ADGRL3: variants seen among roughly 807,000 people sequenced by gnomAD.
ADGRL3 encodes calcium-independent alpha-latrotoxin receptor 3.
ADGRL3 carries 62 observed loss-of-function variants against 153.5 expected under a neutral mutation model. The observed-to-expected ratio is 0.40, with a 90% CI of 0.33 to 0.50. ADGRL3 has a LOEUF of 0.50. ADGRL3 is among the 20% of genes least tolerant of loss of function. The pLI, the probability that ADGRL3 is intolerant of heterozygous loss-of-function variation, is 0.47. For synonymous variants in ADGRL3, 710 were observed against 672.5 expected, an observed-to-expected ratio of 1.06 and a Z score of -0.86; for missense variants, 1,641 against 1,859.4, an observed-to-expected ratio of 0.88 and a Z score of 2.16.
intron 6 of ADGRL3, among the ~76,000 whole-genome samples, chr4:61,722,383 C>T (rs2096257528): frequency 6.6e-6 from 1 of 152,086 alleles, no homozygotes; most frequent in Non-Finnish European, 1.5e-5. Context: ...CCCAACAAGA[C>T]ATTCCATGAG....
chr4:61,209,903 C>T (rs1040713214), intron 1 of ADGRL3, among the ~76,000 whole-genome samples: 6 of 152,122 alleles, frequency 3.9e-5, no homozygotes, highest in Admixed American at 2.6e-4. Flanking sequence ...TCATCATAAA[C>T]GTCGAAGATA....
chr4:61,366,191 C>T (rs978328043), intron 1 of ADGRL3, among the ~76,000 whole-genome samples: 11 of 152,118 alleles, frequency 7.2e-5, no homozygotes, highest in African/African-American at 2.7e-4. Flanking sequence ...TAAGCATTCT[C>T]TTTCCAATAT....
intron 21 of ADGRL3, among the ~76,000 whole-genome samples, chr4:62,026,919 G>T (rs1718964307): frequency 6.6e-6 from 1 of 152,006 alleles, no homozygotes; most frequent in Non-Finnish European, 1.5e-5. Context: ...ATCATGCTGT[G>T]TATCCAAGAT....
At chr4:61,970,109 C>T (rs1198627127) in intron 17 of ADGRL3, among the ~76,000 whole-genome samples, 4 of 152,104 alleles carry the variant, frequency 2.6e-5, no homozygotes, top group Non-Finnish European at 4.4e-5. Flanking sequence ...ATACTCTTTG[C>T]TTCAGTTTCT....
At chr4:61,996,861 G>T (rs1187961115) in intron 20 of ADGRL3, among the ~76,000 whole-genome samples, 1 of 152,042 alleles carries the variant, frequency 6.6e-6, no homozygotes, top group African/African-American at 2.4e-5. Flanking sequence ...CTGCATTCTG[G>T]AATCATGCTT....
At chr4:61,286,147 G>A (rs1243457769) in intron 1 of ADGRL3, among the ~76,000 whole-genome samples, 3 of 151,384 alleles carry the variant, frequency 2.0e-5, no homozygotes, top group African/African-American at 4.8e-5. Context: ...GTGGTCAGTT[G>A]TACAACTTCT....
At chr4:61,933,627 G>A (rs2098826797) in intron 13 of ADGRL3, among the ~76,000 whole-genome samples, 1 of 152,020 alleles carries the variant, frequency 6.6e-6, no homozygotes, top group Non-Finnish European at 1.5e-5. Context: ...AAAATATCAA[G>A]AAAAAAACAA....
chr4:61,853,326 A>G (rs2098229429), intron 9 of ADGRL3, among the ~76,000 whole-genome samples: 2 of 152,196 alleles, frequency 1.3e-5, no homozygotes, highest in Admixed American at 1.3e-4. Context: ...GATCTATGCT[A>G]GGAACCAAGG....
At chr4:61,283,616 T>A (rs1474197831) in intron 1 of ADGRL3, among the ~76,000 whole-genome samples, 2 of 151,948 alleles carry the variant, frequency 1.3e-5, no homozygotes, top group East Asian at 3.9e-4. Flanking sequence ...ATGGTACAGA[T>A]TGTTTCTTCA....
At chr4:61,411,267 C>T (rs984971573) in intron 2 of ADGRL3, among the ~76,000 whole-genome samples, 15 of 151,988 alleles carry the variant, frequency 9.9e-5, no homozygotes, top group African/African-American at 3.1e-4. Flanking sequence ...TGTCAGTCTT[C>T]GTGTTTTATG....
At chr4:62,032,513 CAT>C (rs1276337689) in intron 23 of ADGRL3, among the ~76,000 whole-genome samples, 3 of 151,296 alleles carry the variant, frequency 2.0e-5, no homozygotes, top group Non-Finnish European at 4.4e-5. Context: ...TCAGTTTACT[CAT>C]GTGTGACATG....
intron 1 of ADGRL3, among the ~76,000 whole-genome samples, chr4:61,319,874 G>T (rs915842265): frequency 2.0e-5 from 3 of 152,038 alleles, no homozygotes. Context: ...TTGAAAAATT[G>T]TTTCTCCTCT....
chr4:61,603,964 G>A (rs2099022333), intron 5 of ADGRL3, among the ~76,000 whole-genome samples: 1 of 152,186 alleles, frequency 6.6e-6, no homozygotes, highest in Non-Finnish European at 1.5e-5. Context: ...GGCATTTAGA[G>A]TGCTGGATGC....
intron 3 of ADGRL3, among the ~76,000 whole-genome samples, chr4:61,505,026 C>T (rs1323044885): frequency 6.6e-6 from 1 of 152,086 alleles, no homozygotes; most frequent in South Asian, 2.1e-4. Context: ...TTTGAGGGAC[C>T]TTCATGCTGT....
chr4:61,414,495 C>G (rs1443963111), intron 2 of ADGRL3, among the ~76,000 whole-genome samples: 1 of 152,008 alleles, frequency 6.6e-6, no homozygotes, highest in South Asian at 2.1e-4. Context: ...TTATTCTTCT[C>G]CTCTGGTAAA....
intron 2 of ADGRL3, among the ~76,000 whole-genome samples, chr4:61,437,911 G>A (rs7661450): frequency 0.17 from 25,656 of 152,032 alleles, 2,307 homozygotes; most frequent in Middle Eastern, 0.26. Flanking sequence ...CTCTTCCACT[G>A]GACATTAATG....
chr4:61,204,583 G>A (rs938482046), intron 1 of ADGRL3, among the ~76,000 whole-genome samples: 3 of 152,154 alleles, frequency 2.0e-5, no homozygotes, highest in African/African-American at 7.2e-5. Context: ...GCTGTCTTTA[G>A]CTGAAGGTGA....
chr4:61,326,554 T>C (rs2150877443), intron 1 of ADGRL3, among the ~76,000 whole-genome samples: 1 of 151,858 alleles, frequency 6.6e-6, no homozygotes, highest in East Asian at 1.9e-4. Context: ...TGTGATTTTT[T>C]TTTTGCAGTA....
At chr4:61,293,457 A>G (rs977216457) in intron 1 of ADGRL3, among the ~76,000 whole-genome samples, 4 of 152,192 alleles carry the variant, frequency 2.6e-5, no homozygotes, top group Non-Finnish European at 4.4e-5. Flanking sequence ...TCTCACAATG[A>G]TATCAAAACT....
Sources: allele counts gnomAD v4.1 joint callset (sites outside exome capture counted in the v4.1 genomes callset), GRCh38; gene constraint gnomAD v4.1.1; transcripts MANE v1.5; gene names NCBI Gene and HGNC (gene_info 2026-07-23, HGNC 2026-07-21).